The following SHF variants were observed in gnomAD, a reference collection of about 807,000 sequenced individuals.
The protein encoded by SHF is Src homology 2 domain containing F.
Under a neutral mutation model 42.4 loss-of-function variants are expected in SHF, and 30 were observed. That is an observed-to-expected ratio of 0.71 (90% CI 0.53 to 0.96). The LOEUF (loss-of-function observed/expected upper bound fraction) is 0.96, where lower values mean the gene tolerates loss of function less well. Among genes scored for constraint, SHF ranks in the 40% least tolerant of loss-of-function variants. The probability of loss-of-function intolerance (pLI) is 0.00; values close to 1 mark genes in which losing one functional copy is unlikely to be tolerated. For synonymous variants in SHF, 264 were observed against 269.9 expected, an observed-to-expected ratio of 0.98 and a Z score of 0.21; for missense variants, 598 against 634.0, an observed-to-expected ratio of 0.94 and a Z score of 0.61.
Position 45,187,859 on chromosome 15 carries a change from G to A in SHF, c.93C>T (p.Gly31=), listed in dbSNP as rs1898538459. 1.8e-6 allele frequency: 2 copies of A among 1,105,160 alleles called. No individual in the cohort carries two copies. The highest frequency in any genetic ancestry group is 4.6e-5 in the Admixed American group (1 of 21,950). The allele number at this position is 1,105,160 out of a possible 1,614,324, so 68.5% of individuals were successfully genotyped here. The change falls in exon 1 of 7, where the codon GGC becomes GGT. Residue 31 remains glycine, a synonymous_variant. Coordinates refer to ENST00000690270, the MANE Select transcript of SHF (RefSeq NM_001394037.1). ...CTGGGCCGGCTCCCGCACCCCCGGC[G>A]CCCCGGCGGGACCCCCCCGGGCCGC... ...AGGGPGGSRR[G]AGGAGAGPGG...
upstream of SHF, among the ~76,000 whole-genome samples, chr15:45,188,748 C>T (rs1038845587): frequency 6.6e-6 from 1 of 152,238 alleles, no homozygotes; most frequent in Non-Finnish European, 1.5e-5. Context: ...CAGCCACATC[C>T]CGGGCTTCAT....
At chr15:45,196,633 C>T (rs1277452477) in intron 2 of SHF, among the ~76,000 whole-genome samples, 1 of 152,044 alleles carries the variant, frequency 6.6e-6, no homozygotes, top group Non-Finnish European at 1.5e-5. Context: ...CGTGGTGGCT[C>T]ACACCTGTAA....
chr15:45,186,826 A>G (rs1255423218), intron 1 of SHF, among the ~76,000 whole-genome samples: 2 of 152,264 alleles, frequency 1.3e-5, no homozygotes, highest in African/African-American at 2.4e-5. Context: ...CCCCTTGGCA[A>G]GAGCTGTAAG....
rs370300193 is a variant in SHF, at chr15:45,178,511, A to G, written c.499-205T>C. 2.7e-5 allele frequency among the ~76,000 whole-genome samples: 4 copies of G among 150,704 alleles called. No homozygotes were observed. The East Asian group carries it at 7.8e-4, about 29-fold the overall frequency. ...GGGCTCCCCTACTAGGCTGCCAACC[A>G]AGTGGTACCTCTTTCCTTCTTTCTT... On this transcript the variant is annotated intron_variant, in intron 1 of 6. Transcript: ENST00000690270.
upstream of SHF, among the ~76,000 whole-genome samples, chr15:45,188,488 C>T (rs1346297637): frequency 6.6e-6 from 1 of 152,236 alleles, no homozygotes; most frequent in African/African-American, 2.4e-5. Flanking sequence ...AGCCCCACAA[C>T]CTCCTCCCAT....
At chr15:45,190,757 AGG>A (rs1898690410), upstream of SHF, among the ~76,000 whole-genome samples, 1 of 152,168 alleles carries the variant, frequency 6.6e-6, no homozygotes, top group African/African-American at 2.4e-5. Context: ...ACCATAAAAA[AGG>A]GGAGTATTCA....
intron 2 of SHF, among the ~76,000 whole-genome samples, chr15:45,194,005 G>C (rs893185594): frequency 6.6e-5 from 10 of 151,382 alleles, no homozygotes; most frequent in African/African-American, 2.4e-4. Context: ...AGGAGGCTGA[G>C]GTGGGAGGAT....
upstream of SHF, among the ~76,000 whole-genome samples, chr15:45,188,357 C>T (rs1286157920): frequency 1.3e-5 from 2 of 152,212 alleles, no homozygotes; most frequent in Non-Finnish European, 2.9e-5. Context: ...TCTCCTCTTC[C>T]CTCTCCCAGG....
chr15:45,197,122 C>G (rs115543839), intron 2 of SHF, among the ~76,000 whole-genome samples: 73 of 151,980 alleles, frequency 4.8e-4, no homozygotes, highest in African/African-American at 1.7e-3. Flanking sequence ...TGCAGCAGCT[C>G]TAACCTATAG....
chr15:45,193,637 T>C (rs943672231), intron 2 of SHF, among the ~76,000 whole-genome samples: 4 of 152,192 alleles, frequency 2.6e-5, no homozygotes, highest in Non-Finnish European at 5.9e-5. Flanking sequence ...AGGAAATTCC[T>C]TGTGGGCAAA....
Position 45,175,239 on chromosome 15 carries a change from C to T in SHF, c.827G>A (p.Arg276Gln), listed in dbSNP as rs141324587. The change falls in exon 3 of 7, where the codon CGG becomes CAG. Residue 276 changes from arginine to glutamine, a missense_variant. By Grantham distance (43) the Arg-to-Gln change is conservative (BLOSUM62 1). Transcript: ENST00000690270. ...YDQPWEWKKE[R>Q]ISKAFAVDIK... ...CTCACCTGCAAAGGCTTTGGAAATC[C>T]GCTCCTTCTTCCACTCCCAGGGCTG... 8.0e-5 allele frequency: 129 copies of T among 1,610,344 alleles called. No homozygotes were observed. Among genetic ancestry groups the T allele is most frequent in the Admixed American group, 2.4e-4 (14 of 59,428 alleles).
intron 1 of SHF, among the ~76,000 whole-genome samples, chr15:45,199,671 CCTA>C (rs1899001792): frequency 6.6e-6 from 1 of 152,184 alleles, no homozygotes; most frequent in East Asian, 1.9e-4. Flanking sequence ...TCGAGAAGCG[CCTA>C]CTACCTGTCA....
intron 2 of SHF, among the ~76,000 whole-genome samples, chr15:45,195,038 C>T (rs1437262300): frequency 6.6e-6 from 1 of 151,984 alleles, no homozygotes; most frequent in Admixed American, 6.6e-5. Context: ...CACTCTGTTG[C>T]CCAGGCTGCT....
Position 45,196,781 on chromosome 15 carries a change from C to T in SHF, c.303+1991G>A, listed in dbSNP as rs917068462. Among the ~76,000 whole-genome samples the T allele has an allele frequency of 2.0e-5, 3 of 151,934 alleles. No individual in the cohort carries two copies. In the East Asian group the frequency reaches 5.8e-4, roughly 30 times the overall value. Reference sequence around the variant, plus strand: ...GGGCTTGGTGGCGGGCGCCTGTAGCCCCAGCTACTCGGGAGGCTGAGGCAG... The same window carrying T: ...GGGCTTGGTGGCGGGCGCCTGTAGCTCCAGCTACTCGGGAGGCTGAGGCAG... On this transcript the variant is annotated intron_variant, in intron 2 of 7. Transcript: ENST00000290894.
chr15:45,174,003 T>C (rs1309734627), intron 3 of SHF, among the ~76,000 whole-genome samples: 1 of 152,040 alleles, frequency 6.6e-6, no homozygotes, highest in Non-Finnish European at 1.5e-5. Context: ...TCATTTGACC[T>C]CTCACAAGCC....
intron 2 of SHF, 39 bp downstream of exon 2, chr15:45,178,126 C>T (rs768168485): frequency 3.1e-6 from 5 of 1,598,506 alleles, no homozygotes; most frequent in South Asian, 1.1e-5. Flanking sequence ...CTGCAGAGCC[C>T]AGGCCTCAGG....
At chr15:45,191,694 CTT>C (rs1414842931), upstream of SHF, among the ~76,000 whole-genome samples, 12 of 152,070 alleles carry the variant, frequency 7.9e-5, no homozygotes, top group Non-Finnish European at 1.8e-4. Context: ...TCTTTTTTAA[CTT>C]AACATTGTAT....
chr15:45,181,792 G>A (rs1440562534), intron 1 of SHF, among the ~76,000 whole-genome samples: 1 of 152,180 alleles, frequency 6.6e-6, no homozygotes. Context: ...GACCTTTGGG[G>A]AAGACACCTA....
At chr15:45,194,813 A>G (rs751603142) in intron 2 of SHF, among the ~76,000 whole-genome samples, 1 of 152,152 alleles carries the variant, frequency 6.6e-6, no homozygotes, top group Non-Finnish European at 1.5e-5. Flanking sequence ...GTATTTTAAA[A>G]TTGACTTTTT....
Sources: allele counts gnomAD v4.1 joint callset (sites outside exome capture counted in the v4.1 genomes callset), GRCh38; gene constraint gnomAD v4.1.1; transcripts MANE v1.5; gene names NCBI Gene and HGNC (gene_info 2026-07-23, HGNC 2026-07-21).